ABCG1: variants seen among roughly 807,000 people sequenced by gnomAD.
ABCG1 encodes the protein ATP-binding cassette sub-family G member 1.
A neutral mutation model predicts 69.2 loss-of-function variants in ABCG1; 29 were observed. The observed-to-expected ratio is 0.42, with a 90% confidence interval of 0.31 to 0.57. ABCG1 has a LOEUF of 0.57. Among genes scored for constraint, ABCG1 ranks in the 20% least tolerant of loss-of-function variants. ABCG1 has a pLI of 0.15. For missense variants in ABCG1, 718 were observed against 898.1 expected (o/e 0.80, Z 2.56); for synonymous variants, 370 against 374.8 (o/e 0.99, Z 0.15).
chr21:42,244,804 T>G (rs997963210), intron 2 of ABCG1, among the ~76,000 whole-genome samples: 3 of 151,804 alleles, frequency 2.0e-5, no homozygotes, highest in Non-Finnish European at 2.9e-5. Context: ...GAGCTGAGAG[T>G]GACCTTCCCT....
intron 2 of ABCG1, among the ~76,000 whole-genome samples, chr21:42,235,531 C>T (rs113557752): frequency 0.012 from 1,760 of 152,270 alleles, 33 homozygotes; most frequent in African/African-American, 0.04. Flanking sequence ...TTTAGGGAGA[C>T]GTAAGACAGT....
At chr21:42,259,362 G>C in intron 2 of ABCG1, 2 of 1,550,412 alleles carry the variant, frequency 1.3e-6, no homozygotes, top group East Asian at 4.9e-5. Flanking sequence ...TGCTAAACTG[G>C]AGAGCTCAGT....
In ABCG1 at chr21:42,271,603, C is replaced by T. The variant is rs958027231; in HGVS notation, c.404+416C>T. ...GTCTTAGTTGTTTAGAAGTTTGAGC[C>T]GGGTGTGGTGGCTCGCACCTGCAAT... is the stretch of plus-strand genomic sequence containing the variant. On this transcript the variant is annotated intron_variant, in intron 3 of 14. Coordinates refer to ENST00000398449, the MANE Select transcript of ABCG1 (RefSeq NM_016818.3). Among the ~76,000 whole-genome samples, 6 of 152,230 alleles carry T rather than the reference C, an allele frequency of 3.9e-5. No individual in the cohort carries two copies. In the East Asian group the frequency reaches 5.8e-4, roughly 15 times the overall value.
upstream of ABCG1, among the ~76,000 whole-genome samples, chr21:42,215,475 C>G (rs78238118): frequency 2.8e-4 from 42 of 152,200 alleles, 1 homozygote; most frequent in Non-Finnish European, 4.3e-4. Context: ...TGACTCCACT[C>G]GAAGTCAACT....
chr21:42,202,157 G>A (rs4148087), intron 2 of ABCG1, among the ~76,000 whole-genome samples: 26,152 of 152,132 alleles, frequency 0.17, 2,456 homozygotes, highest in East Asian at 0.24. Flanking sequence ...GTTTTGTTCC[G>A]GTTGGTCTGC....
At chr21:42,275,841 G>A (rs1476133299) in intron 4 of ABCG1, among the ~76,000 whole-genome samples, 9 of 152,364 alleles carry the variant, frequency 5.9e-5, no homozygotes, top group Non-Finnish European at 1.0e-4. Flanking sequence ...CGCCCGTTGC[G>A]GAGTCCGGAT....
At position 42,287,752 on chromosome 21, in the gene ABCG1, G is replaced by A. The variant is rs553571703; in HGVS notation, c.974-137G>A. 34 of 869,586 alleles carry A rather than the reference G, an allele frequency of 3.9e-5. No individual in the cohort carries two copies. Among genetic ancestry groups the A allele is most frequent in the South Asian group, 2.9e-4 (14 of 48,940 alleles). 53.9% of individuals were successfully genotyped at this position (869,586 alleles called of 1,614,324 possible). A position where few individuals can be genotyped will look rare whatever the true frequency, so the allele number is the denominator to read the frequency against. On this transcript the variant is annotated intron_variant, in intron 8 of 14. Coordinates refer to ENST00000398449, the MANE Select transcript of ABCG1 (RefSeq NM_016818.3). This position sits in a 1 kb window ranked among gnomAD's most constrained non-coding sequence, Gnocchi z 6.2. ...ACGCTGGTTGATAAATGATTTTGAC[G>A]TCATGCCATTAGCACCGCCACGCAG...
In ABCG1 at chr21:42,273,302, G is replaced by A; in HGVS notation, c.405-1G>A. The A allele has an allele frequency of 1.2e-6, 2 of 1,612,112 alleles. No individual in the cohort carries two copies. The highest frequency in any genetic ancestry group is 1.7e-6 in the Non-Finnish European group (2 of 1,179,256). On this transcript the variant is annotated splice_acceptor_variant, in intron 3 of 14. Transcript: ENST00000398449. LOFTEE classifies it high-confidence loss of function. This position sits in a 1 kb window ranked among gnomAD's most constrained non-coding sequence, Gnocchi z 5.3. ...GGCTTCTCCTGTCCTTGGTTCTGCA[G>A]GGAGACGGGCATGAAGGGGGCCGTC...
At chr21:42,206,321 G>T (rs577190765) in intron 2 of ABCG1, among the ~76,000 whole-genome samples, 2 of 152,138 alleles carry the variant, frequency 1.3e-5, no homozygotes, top group South Asian at 4.1e-4. Flanking sequence ...CTGCATTCCA[G>T]CCTGGGTGAC....
chr21:42,226,029 C>G, intron 2 of ABCG1, 115 bp downstream of exon 2: 1 of 1,201,042 alleles, frequency 8.3e-7, no homozygotes. Context: ...CTCTTCCCAA[C>G]GCCGTCACTG....
At chr21:42,223,163 C>G (rs981943722) in intron 1 of ABCG1, among the ~76,000 whole-genome samples, 1 of 152,182 alleles carries the variant, frequency 6.6e-6, no homozygotes, top group Non-Finnish European at 1.5e-5. Context: ...CCCAAATCCA[C>G]GCTCCAGCCC....
At chr21:42,220,709 C>T (rs1249733819) in intron 1 of ABCG1, among the ~76,000 whole-genome samples, 3 of 152,258 alleles carry the variant, frequency 2.0e-5, no homozygotes, top group African/African-American at 7.2e-5. Context: ...GTTTCCCTCC[C>T]GGTGACACTT....
intron 2 of ABCG1, chr21:42,256,182 C>T (rs1024964162): frequency 8.4e-6 from 12 of 1,420,530 alleles, no homozygotes; most frequent in East Asian, 5.2e-5. Context: ...AGGGCTGCTG[C>T]GATCATTTAG....
intron 8 of ABCG1, among the ~76,000 whole-genome samples, chr21:42,286,560 T>G (rs1247692988): frequency 6.6e-6 from 1 of 152,182 alleles, no homozygotes; most frequent in Non-Finnish European, 1.5e-5. Context: ...GGGCGAGGGT[T>G]GCAGGGAGTG....
intron 2 of ABCG1, chr21:42,256,535 G>T (rs1208263116): frequency 6.5e-7 from 1 of 1,548,838 alleles, no homozygotes; most frequent in Admixed American, 2.0e-5. Flanking sequence ...GAGAAATAAT[G>T]TCACAACAAA....
chr21:42,231,765 G>A (rs2067904440), intron 2 of ABCG1, among the ~76,000 whole-genome samples: 1 of 152,222 alleles, frequency 6.6e-6, no homozygotes, highest in East Asian at 1.9e-4. Context: ...CAGGCTGAAG[G>A]GGGATGGATA....
At chr21:42,289,926 TA>T in intron 10 of ABCG1, 123 bp from the exon 11 acceptor site, 1 of 1,055,432 alleles carries the variant, frequency 9.5e-7, no homozygotes, top group Non-Finnish European at 1.4e-6. Flanking sequence ...GAAGACAGGA[TA>T]AAGTCTAAGA....
chr21:42,247,641 G>A (rs558006525), intron 2 of ABCG1, among the ~76,000 whole-genome samples: 2 of 152,332 alleles, frequency 1.3e-5, no homozygotes, highest in East Asian at 1.9e-4. Flanking sequence ...CTCAGAACCT[G>A]TAAATGTGAC....
intron 4 of ABCG1, among the ~76,000 whole-genome samples, chr21:42,274,254 G>A (rs1273084826): frequency 6.6e-6 from 1 of 152,204 alleles, no homozygotes; most frequent in South Asian, 2.1e-4. Flanking sequence ...ATTCAACTTG[G>A]TCACTGTTTC....
Sources: allele counts gnomAD v4.1 joint callset (sites outside exome capture counted in the v4.1 genomes callset), GRCh38; gene constraint gnomAD v4.1.1; non-coding constraint Gnocchi (gnomAD v3.1); transcripts MANE v1.5; gene names NCBI Gene and HGNC (gene_info 2026-07-23, HGNC 2026-07-21).